The following PNLIP variants were observed in gnomAD, a reference collection of about 807,000 sequenced individuals.
PNLIP encodes the protein pancreatic triacylglycerol lipase.
PNLIP carries 49 observed loss-of-function variants against 57.1 expected under a neutral mutation model. That is an observed-to-expected ratio of 0.86 (90% CI 0.68 to 1.09). PNLIP has a LOEUF of 1.09. Among genes scored for constraint, PNLIP ranks in the 50% least tolerant of loss-of-function variants. The probability of loss-of-function intolerance (pLI) is 0.00; values close to 1 mark genes in which losing one functional copy is unlikely to be tolerated. For synonymous variants in PNLIP, 209 were observed against 200.4 expected (o/e 1.04, Z -0.36); for missense variants, 503 against 570.2 (o/e 0.88, Z 1.20).
In PNLIP at chr10:116,567,854, C is replaced by A; in HGVS notation, c.*56C>A. On this transcript the variant is annotated 3_prime_UTR_variant, in exon 13 of 13. Transcript: ENST00000369221. ...CTTCTAATAAAATCTAGTGGTGATG[C>A]ATTACATGCCTGTTTCTTTTGTCCA... 3 of 1,279,536 alleles carry A rather than the reference C, an allele frequency of 2.3e-6. No homozygotes were observed. The highest frequency in any genetic ancestry group is 1.7e-5 in the Admixed American group (1 of 59,496). 79.3% of individuals were successfully genotyped at this position (1,279,536 alleles called of 1,614,324 possible). A position where few individuals can be genotyped will look rare whatever the true frequency, so the allele number is the denominator to read the frequency against.
At position 116,561,653 on chromosome 10, in the gene PNLIP, C is replaced by T. The variant is rs1416870409; in HGVS notation, c.1334+17C>T. The T allele has an allele frequency of 1.9e-6, 3 of 1,595,504 alleles. No homozygotes were observed. Among genetic ancestry groups the T allele is most frequent in the East Asian group, 2.2e-5 (1 of 44,612 alleles). ...TGGAAAACAGTAAGTAATGAAAATC[C>T]CAGGAGATGTGAAATATCGAGTCTG... is the stretch of plus-strand genomic sequence containing the variant. On this transcript the variant is annotated intron_variant, in intron 12 of 12. Coordinates refer to ENST00000369221, the MANE Select transcript of PNLIP (RefSeq NM_000936.4).
At position 116,547,436 on chromosome 10, in the gene PNLIP, A is replaced by C. The variant is rs118052168; in HGVS notation, c.189A>C (p.Pro63=). ...TCCTCCTATATACTAATGAGAACCC[A>C]AACAACTTTCAAGTAAGAACTATCA... ...TRFLLYTNEN[P]NNFQEVAADS... Residue 63 remains proline (P), a synonymous_variant, in exon 3 of 13, where the codon CCA becomes CCC. Coordinates refer to ENST00000369221, the MANE Select transcript of PNLIP (RefSeq NM_000936.4). 4.7e-4 allele frequency: 752 copies of C among 1,612,094 alleles called. No individual in the cohort carries two copies. Among genetic ancestry groups the C allele is most frequent in the Admixed American group, 1.2e-3 (69 of 59,550 alleles).
intron 12 of PNLIP, among the ~76,000 whole-genome samples, chr10:116,562,650 T>C (rs1258184581): frequency 2.0e-5 from 3 of 152,214 alleles, no homozygotes; most frequent in Admixed American, 6.5e-5. Context: ...CCCTGAATAT[T>C]CATCAAGGTA....
chr10:116,557,039 C>T (rs1359837120), intron 9 of PNLIP, among the ~76,000 whole-genome samples: 1 of 151,886 alleles, frequency 6.6e-6, no homozygotes, highest in Non-Finnish European at 1.5e-5. Context: ...TTGCTTAGCC[C>T]AGAGCAAAAA....
At chr10:116,555,576 T>A in intron 8 of PNLIP, 69 bp downstream of exon 8, 1 of 1,541,518 alleles carries the variant, frequency 6.5e-7, no homozygotes, top group South Asian at 1.2e-5. Context: ...CTAAACTTGC[T>A]AAATTCTTTG....
chr10:116,562,807 G>A (rs921926246), intron 12 of PNLIP, among the ~76,000 whole-genome samples: 14 of 152,132 alleles, frequency 9.2e-5, no homozygotes, highest in African/African-American at 3.4e-4. Flanking sequence ...ATAATTCAAA[G>A]GACACAGGGT....
chr10:116,560,729 C>A (rs1847306888), intron 11 of PNLIP, among the ~76,000 whole-genome samples: 1 of 151,608 alleles, frequency 6.6e-6, no homozygotes, highest in African/African-American at 2.4e-5. Flanking sequence ...AGGCGCCCAC[C>A]ACCACGCCTG....
At position 116,555,145 on chromosome 10, in the gene PNLIP, G is replaced by A. The variant is rs369024553; in HGVS notation, c.572-33G>A. ...CTCTTAATACTTGTACTCAGGACTT[G>A]TCATAATTCATGAAACATACTCTTT... On this transcript the variant is annotated intron_variant, in intron 6 of 12. Transcript: ENST00000369221. 6 of 1,613,064 alleles carry A rather than the reference G, an allele frequency of 3.7e-6. No homozygotes were observed. The East Asian group carries it at 1.3e-4, about 36-fold the overall frequency.
rs1368983391 is a variant in PNLIP, at chr10:116,561,490, T to G, written c.1188T>G (p.Asp396Glu). 6.2e-7 allele frequency: 1 copy of G among 1,613,568 alleles called. No individual in the cohort carries two copies. The highest frequency in any genetic ancestry group is 1.1e-5 in the South Asian group (1 of 90,912). ...YEIFKGTLKP[D>E]STHSNEFDSD... is the part of the protein sequence containing the mutation. ...TCCTTAGGGGCACTCTCAAACCAGA[T>G]AGTACTCATTCCAATGAATTTGACT... Residue 396 changes from aspartate to glutamate, a missense_variant, in exon 12 of 13, where the codon GAT (aspartate) becomes GAG (glutamate). Coordinates refer to ENST00000369221, the MANE Select transcript of PNLIP (RefSeq NM_000936.4).
At chr10:116,552,752 G>A (rs1847207922) in intron 5 of PNLIP, among the ~76,000 whole-genome samples, 1 of 152,076 alleles carries the variant, frequency 6.6e-6, no homozygotes, top group South Asian at 2.1e-4. Context: ...TGGGCGTGGT[G>A]GTGGGCGCCT....
chr10:116,551,350 T>C (rs1313645513), intron 5 of PNLIP, 118 bp downstream of exon 5: 4 of 654,808 alleles, frequency 6.1e-6, no homozygotes, highest in Non-Finnish European at 9.0e-6. Context: ...TCTACTCAGA[T>C]ATGATGTTTC....
chr10:116,547,383 T>C lies in PNLIP; in HGVS notation c.136T>C (p.Trp46Arg), dbSNP rs1489880392. ...ITERPLHILP[W>R]SPKDVNTRFL... is the part of the protein sequence containing the mutation. ...GGAAAGACCCCTCCATATATTGCCT[T>C]GGTCTCCAAAAGATGTCAACACCCG... Residue 46 changes from tryptophan (W) to arginine (R), a missense_variant, in exon 3 of 13, where the codon TGG becomes CGG. Trp to Arg is a moderately radical substitution (Grantham distance 101). Coordinates refer to ENST00000369221, the MANE Select transcript of PNLIP (RefSeq NM_000936.4). The C allele has an allele frequency of 6.2e-7, 1 of 1,613,970 alleles. No homozygotes were observed. The highest frequency in any genetic ancestry group is 2.2e-5 in the East Asian group (1 of 44,884).
At chr10:116,546,049 T>C (rs765939067) in intron 1 of PNLIP, 44 bp from the exon 2 acceptor site, 23 of 1,594,528 alleles carry the variant, frequency 1.4e-5, no homozygotes, top group Non-Finnish European at 2.0e-5. Flanking sequence ...TGCCGATCTT[T>C]TAAAAACTTA....
intron 9 of PNLIP, among the ~76,000 whole-genome samples, chr10:116,556,700 G>A (rs1372937686): frequency 1.3e-5 from 2 of 151,236 alleles, no homozygotes; most frequent in African/African-American, 4.9e-5. Flanking sequence ...CTTTATATGT[G>A]ATCTCAAATA....
At chr10:116,546,209 T>TG in intron 2 of PNLIP, 71 bp downstream of exon 2, 1 of 1,300,802 alleles carries the variant, frequency 7.7e-7, no homozygotes, top group South Asian at 1.2e-5. Flanking sequence ...CTAGGGCAGC[T>TG]GAATTCAGGC....
At chr10:116,565,818 A>AT (rs201572630) in intron 12 of PNLIP, among the ~76,000 whole-genome samples, 39 of 135,526 alleles carry the variant, frequency 2.9e-4, no homozygotes, top group East Asian at 1.9e-3. Context: ...ATTTATAGCA[A>AT]TTTTTTTTTG....
intron 3 of PNLIP, 138 bp downstream of exon 3, chr10:116,547,586 C>A: frequency 1.5e-6 from 1 of 669,532 alleles, no homozygotes; most frequent in Non-Finnish European, 2.5e-6. Flanking sequence ...ATTAGCCAGG[C>A]GTGGTGGCAG....
rs140196701 is a variant in PNLIP at position 116,561,527 on chromosome 10, G to A, written c.1225G>A (p.Val409Ile). Residue 409 changes from valine to isoleucine, a missense_variant, in exon 12 of 13, where the codon GTT (valine) becomes ATT (isoleucine). Val to Ile is a conservative substitution (Grantham distance 29). Coordinates refer to ENST00000369221, the MANE Select transcript of PNLIP (RefSeq NM_000936.4). ...CAATGAATTTGACTCAGATGTGGAT[G>A]TTGGGGACTTGCAGATGGTTAAATT... ...HSNEFDSDVD[V>I]GDLQMVKFIW... The A allele has an allele frequency of 1.2e-6, 2 of 1,613,772 alleles. No individual in the cohort carries two copies. The highest frequency in any genetic ancestry group is 1.7e-6 in the Non-Finnish European group (2 of 1,179,816).
Position 116,557,835 on chromosome 10 carries a change from G to A in PNLIP, c.931-1319G>A, listed in dbSNP as rs563994802. On this transcript the variant is annotated intron_variant, in intron 9 of 12. Coordinates refer to ENST00000369221, the MANE Select transcript of PNLIP (RefSeq NM_000936.4). Reference sequence around the variant, plus strand: ...AGAAATAAGGGGTATTTTCCTATACGAATATGTCTTCTCCAGGTATCAGCC... The same window carrying A: ...AGAAATAAGGGGTATTTTCCTATACAAATATGTCTTCTCCAGGTATCAGCC... Among the ~76,000 whole-genome samples the A allele has an allele frequency of 2.6e-5, 4 of 152,182 alleles. No individual in the cohort carries two copies. The East Asian group carries it at 7.8e-4, about 30-fold the overall frequency.
Sources: gnomAD v4.1 joint callset for allele counts (sites outside exome capture counted in the v4.1 genomes callset) on GRCh38, gnomAD v4.1.1 for gene constraint, MANE v1.5 for transcripts, NCBI Gene and HGNC (gene_info 2026-07-23, HGNC 2026-07-21) for gene names.